Variants in CENPH observed in about 807,000 individuals in gnomAD.
CENPH encodes the protein centromere protein H, also known as CENP-H.
In CENPH, 40 loss-of-function variants were observed where a neutral mutation model predicts 42.9. The observed-to-expected ratio is 0.93, with a 90% CI of 0.72 to 1.21. The LOEUF (loss-of-function observed/expected upper bound fraction) is 1.21. Ranked by LOEUF, CENPH falls within the 50% of genes most tolerant of loss-of-function variation. The pLI, the probability that CENPH is intolerant of heterozygous loss-of-function variation, is 0.00. For synonymous variants in CENPH, 88 were observed against 96.5 expected (o/e 0.91, Z 0.52); for missense variants, 302 against 292.9 (o/e 1.03, Z -0.23).
chr5:69,197,665 G>A (rs949752311), intron 5 of CENPH, among the ~76,000 whole-genome samples: 1 of 151,984 alleles, frequency 6.6e-6, no homozygotes, highest in Non-Finnish European at 1.5e-5. Flanking sequence ...GGTTGGGGGA[G>A]TGGGGAGGGA....
At chr5:69,192,846 C>T (rs779181416) in intron 2 of CENPH, among the ~76,000 whole-genome samples, 1 of 152,066 alleles carries the variant, frequency 6.6e-6, no homozygotes, top group Non-Finnish European at 1.5e-5. Flanking sequence ...CCTGTAATCC[C>T]GGCACTTTGG....
intron 2 of CENPH, among the ~76,000 whole-genome samples, chr5:69,193,258 A>G (rs1378285833): frequency 6.6e-6 from 1 of 151,990 alleles, no homozygotes; most frequent in African/African-American, 2.4e-5. Context: ...GTTTTTTACA[A>G]TAAAGGCATC....
chr5:69,195,098 A>G (rs1410604079), intron 3 of CENPH, among the ~76,000 whole-genome samples: 1 of 152,046 alleles, frequency 6.6e-6, no homozygotes, highest in East Asian at 1.9e-4. Context: ...GCGTGATGGC[A>G]CATGCCTGTA....
chr5:69,200,719 C>CTTTTTGTTT (rs1748043961), intron 5 of CENPH, among the ~76,000 whole-genome samples: 1 of 46,900 alleles, frequency 2.1e-5, no homozygotes, highest in Non-Finnish European at 4.2e-5. Flanking sequence ...ATCAGCGTAT[C>CTTTTTGTTT]TTTTTTTTTT....
chr5:69,199,628 A>G (rs993095270), intron 5 of CENPH, among the ~76,000 whole-genome samples: 1 of 152,160 alleles, frequency 6.6e-6, no homozygotes, highest in African/African-American at 2.4e-5. Context: ...AGAGGGTGTG[A>G]TCTTATAAGT....
intron 1 of CENPH, among the ~76,000 whole-genome samples, 183 bp from the exon 2 acceptor site, chr5:69,191,612 G>T (rs1747873473): frequency 6.6e-6 from 1 of 152,172 alleles, no homozygotes; most frequent in Non-Finnish European, 1.5e-5. Flanking sequence ...AGGCCTTAAA[G>T]TTCTTTATAC....
intron 2 of CENPH, among the ~76,000 whole-genome samples, chr5:69,194,086 A>T (rs1747924169): frequency 6.6e-6 from 1 of 152,150 alleles, no homozygotes; most frequent in Admixed American, 6.6e-5. Context: ...CCATCATCAC[A>T]GGAAGTTCTA....
At chr5:69,197,660 G>C (rs545544055) in intron 5 of CENPH, among the ~76,000 whole-genome samples, 39 of 152,142 alleles carry the variant, frequency 2.6e-4, no homozygotes, top group African/African-American at 8.9e-4. Flanking sequence ...TGTGGGGTTG[G>C]GGGAGTGGGG....
In CENPH at chr5:69,208,180, AT is replaced by A; in HGVS notation, c.488-11del. 7.2e-7 allele frequency: 1 copy of A among 1,386,938 alleles called. No homozygotes were observed. Among genetic ancestry groups the A allele is most frequent in the Non-Finnish European group, 1.0e-6 (1 of 989,266 alleles). The allele number at this position is 1,386,938 out of a possible 1,614,324, so 85.9% of individuals were successfully genotyped here. ...GGTATTATATATGGTATATTATTTT[AT>A]TTTTAACCTAACAGAATTAAAACAA... On this transcript the variant is annotated splice_polypyrimidine_tract_variant and intron_variant, in intron 7 of 8. Transcript: ENST00000283006.
chr5:69,206,686 G>A (rs921483133), intron 7 of CENPH, among the ~76,000 whole-genome samples: 1 of 151,804 alleles, frequency 6.6e-6, no homozygotes, highest in African/African-American at 2.4e-5. Flanking sequence ...TAGTAGAGAC[G>A]GGTTTCATCA....
chr5:69,195,642 T>G (rs1747950716), intron 3 of CENPH, 75 bp from the exon 4 acceptor site: 1 of 849,906 alleles, frequency 1.2e-6, no homozygotes, highest in Non-Finnish European at 1.9e-6. Flanking sequence ...TTTTAAGGGC[T>G]TATTTTATAC....
At chr5:69,197,946 A>C (rs239591) in intron 5 of CENPH, among the ~76,000 whole-genome samples, 48,489 of 115,062 alleles carry the variant, frequency 0.42, 10,014 homozygotes, top group South Asian at 0.56. Flanking sequence ...TTTTTGAGAC[A>C]GTCTTGCTCT....
rs866993316 is a variant in CENPH at position 69,197,293 on chromosome 5, C to T, written c.371+184C>T. 4.0e-5 allele frequency: 17 copies of T among 423,732 alleles called. No homozygotes were observed. In the South Asian group the frequency reaches 5.8e-4, roughly 14 times the overall value. The allele number at this position is 423,732 out of a possible 1,614,324, so 26.2% of individuals were successfully genotyped here. On this transcript the variant is annotated intron_variant, in intron 5 of 8. Transcript: ENST00000283006. ...TTATAGTTCTAATTATATTTTGTTCCGTATGGATTGTAACTGTAAGAAGCA... is the reference window on the plus strand; with the variant it reads ...TTATAGTTCTAATTATATTTTGTTCTGTATGGATTGTAACTGTAAGAAGCA...
chr5:69,196,427 C>G (rs2930952), intron 4 of CENPH, among the ~76,000 whole-genome samples: 5 of 152,122 alleles, frequency 3.3e-5, no homozygotes, highest in African/African-American at 1.2e-4. Flanking sequence ...GGTGGATCAC[C>G]TGAGGTCAGG....
chr5:69,203,495 T>C (rs1368296954), intron 7 of CENPH, among the ~76,000 whole-genome samples: 1 of 152,084 alleles, frequency 6.6e-6, no homozygotes, highest in African/African-American at 2.4e-5. Flanking sequence ...GCCTCCAGAG[T>C]AGCTGAGATT....
intron 7 of CENPH, among the ~76,000 whole-genome samples, chr5:69,203,350 T>G (rs1748088968): frequency 6.8e-6 from 1 of 148,120 alleles, no homozygotes; most frequent in Non-Finnish European, 1.5e-5. Flanking sequence ...TATTTTTATG[T>G]TAAAAAAAAT....
chr5:69,195,528 T>C (rs936631894), intron 3 of CENPH, among the ~76,000 whole-genome samples, 189 bp from the exon 4 acceptor site: 3 of 152,198 alleles, frequency 2.0e-5, no homozygotes, highest in Non-Finnish European at 4.4e-5. Flanking sequence ...TTTTATAAGA[T>C]ACTAAGTGAA....
intron 5 of CENPH, among the ~76,000 whole-genome samples, chr5:69,197,913 C>CTT (rs1172938522): frequency 6.6e-4 from 49 of 74,166 alleles, no homozygotes; most frequent in Non-Finnish European, 7.7e-4. Context: ...TACCTATGAT[C>CTT]TTTTTTTTTT....
chr5:69,193,245 A>G (rs188937856), intron 2 of CENPH, among the ~76,000 whole-genome samples: 87 of 151,998 alleles, frequency 5.7e-4, no homozygotes, highest in African/African-American at 2.1e-3. Flanking sequence ...TGGTTAAAGG[A>G]TTGTTTTTTA....
Sources: allele counts gnomAD v4.1 joint callset (sites outside exome capture counted in the v4.1 genomes callset), GRCh38; gene constraint gnomAD v4.1.1; transcripts MANE v1.5; gene names NCBI Gene and HGNC (gene_info 2026-07-23, HGNC 2026-07-21).